Variants in CCL28 observed in about 807,000 individuals in gnomAD.
CCL28 encodes C-C motif chemokine 28.
CCL28 carries 4 observed loss-of-function variants against 7.1 expected under a neutral mutation model. That is an observed-to-expected ratio of 0.56 (90% CI 0.28 to 1.29). The LOEUF (loss-of-function observed/expected upper bound fraction) is 1.29. Among genes scored for constraint, CCL28 ranks in the 50% most tolerant of loss-of-function variants. The probability of loss-of-function intolerance (pLI) is 0.11; values close to 1 mark genes in which losing one functional copy is unlikely to be tolerated. For missense variants in CCL28, 151 were observed against 163.4 expected, an observed-to-expected ratio of 0.92 and a Z score of 0.41; for synonymous variants, 55 against 57.8, an observed-to-expected ratio of 0.95 and a Z score of 0.22.
chr5:43,398,372 C>A (rs545621478), intron 1 of CCL28, among the ~76,000 whole-genome samples: 4 of 152,214 alleles, frequency 2.6e-5, no homozygotes, highest in Non-Finnish European at 5.9e-5. Context: ...CACCGGTGCA[C>A]ACCACCATGC....
At chr5:43,393,914 A>G (rs1201597448) in intron 1 of CCL28, among the ~76,000 whole-genome samples, 1 of 152,186 alleles carries the variant, frequency 6.6e-6, no homozygotes, top group East Asian at 1.9e-4. Context: ...GGAGGTGAGA[A>G]GTTATTCTTT....
At chr5:43,364,676 A>G in the CCL28 span, among the ~76,000 whole-genome samples, 1 of 152,086 alleles carries the variant, frequency 6.6e-6, no homozygotes, top group Non-Finnish European at 1.5e-5. Context: ...TCCCATTATT[A>G]TTGTGCGGGA....
At chr5:43,368,023 G>C in the CCL28 span, among the ~76,000 whole-genome samples, 219 of 152,300 alleles carry the variant, frequency 1.4e-3, no homozygotes, top group African/African-American at 5.0e-3. Flanking sequence ...GGGGTGCAGT[G>C]AAATGGTCAG....
chr5:43,409,151 C>T (rs1741432079), intron 1 of CCL28, among the ~76,000 whole-genome samples: 1 of 152,094 alleles, frequency 6.6e-6, no homozygotes, highest in Non-Finnish European at 1.5e-5. Flanking sequence ...TGTGCCTGGG[C>T]ATGGTGGCTC....
downstream of CCL28, among the ~76,000 whole-genome samples, chr5:43,372,584 G>A (rs1739804924): frequency 6.6e-6 from 1 of 151,784 alleles, no homozygotes; most frequent in African/African-American, 2.4e-5. Context: ...GGTCAGGCTG[G>A]TCTCAAACTC....
the CCL28 span, among the ~76,000 whole-genome samples, chr5:43,366,615 CA>C: frequency 3.3e-5 from 5 of 152,216 alleles, no homozygotes; most frequent in Non-Finnish European, 7.4e-5. Context: ...AGTCATGAGG[CA>C]TGGGGGTCAG....
At chr5:43,398,191 G>A (rs1008301387) in intron 1 of CCL28, among the ~76,000 whole-genome samples, 25 of 151,306 alleles carry the variant, frequency 1.7e-4, no homozygotes, top group Admixed American at 7.9e-4. Context: ...CCCTCAGGGC[G>A]CCTACAATTA....
chr5:43,387,045 G>A (rs1740366292), intron 2 of CCL28, among the ~76,000 whole-genome samples: 1 of 152,198 alleles, frequency 6.6e-6, no homozygotes, highest in Non-Finnish European at 1.5e-5. Context: ...TAAGCAATGG[G>A]TTTATTTATA....
the CCL28 span, among the ~76,000 whole-genome samples, chr5:43,360,170 A>G: frequency 6.6e-6 from 1 of 152,208 alleles, no homozygotes; most frequent in Non-Finnish European, 1.5e-5. Context: ...AATCCTGCAC[A>G]AATGAAAACT....
At chr5:43,404,942 T>G (rs567563620) in intron 1 of CCL28, among the ~76,000 whole-genome samples, 1 of 152,224 alleles carries the variant, frequency 6.6e-6, no homozygotes, top group African/African-American at 2.4e-5. Flanking sequence ...AGGTATCAAT[T>G]CAACAAGAAG....
rs754701122 is a variant in CCL28 at position 43,381,972 on chromosome 5, T to C, written c.272A>G (p.Lys91Arg). Reference protein sequence around the residue: ...VKQWMKVQAAKKNGKGNVCHR... With the variant: ...VKQWMKVQAARKNGKGNVCHR... ...GCAAACATTTCCTTTACCATTTTTC[T>C]TGGCAGCTTGCACTTTCATCCACTG... Residue 91 changes from lysine (K) to arginine (R), a missense_variant, in exon 3 of 3, where the codon AAG becomes AGG. Lys to Arg is a conservative substitution (Grantham distance 26). Transcript: ENST00000361115. The C allele has an allele frequency of 5.0e-6, 8 of 1,614,214 alleles. No homozygotes were observed. The highest frequency in any genetic ancestry group is 6.8e-6 in the Non-Finnish European group (8 of 1,180,034).
intron 2 of CCL28, among the ~76,000 whole-genome samples, chr5:43,384,997 C>T (rs1740278932): frequency 6.6e-6 from 1 of 151,890 alleles, no homozygotes. Flanking sequence ...CCCGGGTTCA[C>T]GCCATTCTCC....
At chr5:43,392,410 C>T (rs139709780) in intron 1 of CCL28, among the ~76,000 whole-genome samples, 1 of 152,176 alleles carries the variant, frequency 6.6e-6, no homozygotes, top group Non-Finnish European at 1.5e-5. Flanking sequence ...AGCCACCATG[C>T]TGGGCCAATA....
chr5:43,381,975 G>C lies in CCL28; in HGVS notation c.269C>G (p.Ala90Gly). Residue 90 changes from alanine (A) to glycine (G), a missense_variant, in exon 3 of 3, where the codon GCC becomes GGC. Transcript: ENST00000361115. ...TVKQWMKVQAAKKNGKGNVCH... is the reference protein window; with the variant it reads ...TVKQWMKVQAGKKNGKGNVCH... ...AACATTTCCTTTACCATTTTTCTTGGCAGCTTGCACTTTCATCCACTGCTT... is the reference window on the plus strand; with the variant it reads ...AACATTTCCTTTACCATTTTTCTTGCCAGCTTGCACTTTCATCCACTGCTT... The C allele has an allele frequency of 6.2e-7, 1 of 1,614,080 alleles. No homozygotes were observed. Among genetic ancestry groups the C allele is most frequent in the Non-Finnish European group, 8.5e-7 (1 of 1,180,006 alleles).
rs761075220 is a variant in CCL28, at chr5:43,412,289, C to A, written c.28G>T (p.Ala10Ser). 1.9e-6 allele frequency: 3 copies of A among 1,612,970 alleles called. No homozygotes were observed. The African/African-American group carries it at 4.0e-5, about 22-fold the overall frequency. MQQRGLAIVALAVCAALHAS... is the reference protein window; with the variant it reads MQQRGLAIVSLAVCAALHAS... ...TGTAGGGCCGCACAGACAGCCAAGGCCACGATGGCGAGTCCTCTCTGCTGC... is the reference window on the plus strand; with the variant it reads ...TGTAGGGCCGCACAGACAGCCAAGGACACGATGGCGAGTCCTCTCTGCTGC... Residue 10 changes from alanine to serine, a missense_variant, in exon 1 of 3, where the codon GCC becomes TCC. Transcript: ENST00000361115.
At position 43,388,413 on chromosome 5, in the gene CCL28, AGGAG is replaced by A; in HGVS notation, c.124_127del (p.Leu42TrpfsTer4). 1 of 1,614,164 alleles carries A rather than the reference AGGAG, an allele frequency of 6.2e-7. No individual in the cohort carries two copies. The highest frequency in any genetic ancestry group is 8.5e-7 in the Non-Finnish European group (1 of 1,180,008). On this transcript the variant is annotated frameshift_variant, in exon 2 of 3. Transcript: ENST00000361115. LOFTEE classifies it high-confidence loss of function. Reference sequence around the variant, plus strand: ...GATGCGACACATATTCACTCTTTCCAGGAGCCTTCTGGAAATATGATGTGAAACC... The same window carrying A: ...GATGCGACACATATTCACTCTTTCCACCTTCTGGAAATATGATGTGAAACC...
intron 1 of CCL28, among the ~76,000 whole-genome samples, chr5:43,407,175 C>G (rs1012520821): frequency 6.6e-6 from 1 of 152,128 alleles, no homozygotes; most frequent in African/African-American, 2.4e-5. Flanking sequence ...AAGGAGCCCA[C>G]GTTGCCAAGA....
downstream of CCL28, among the ~76,000 whole-genome samples, chr5:43,373,915 T>C (rs1739835774): frequency 6.6e-6 from 1 of 152,240 alleles, no homozygotes; most frequent in South Asian, 2.1e-4. Context: ...AATAGAGATA[T>C]GTCTATCTTA....
At chr5:43,358,298 C>A in the CCL28 span, among the ~76,000 whole-genome samples, 1 of 152,062 alleles carries the variant, frequency 6.6e-6, no homozygotes, top group Non-Finnish European at 1.5e-5. Flanking sequence ...ATGAGTGTTG[C>A]CATGAGCTGA....
Sources: allele counts gnomAD v4.1 joint callset (sites outside exome capture counted in the v4.1 genomes callset), GRCh38; gene constraint gnomAD v4.1.1; transcripts MANE v1.5; gene names NCBI Gene and HGNC (gene_info 2026-07-23, HGNC 2026-07-21).